The following SOX6 variants were observed in gnomAD, a reference collection of about 807,000 sequenced individuals.
The protein encoded by SOX6 is transcription factor SOX-6.
SOX6 carries 11 observed loss-of-function variants against 97.8 expected under a neutral mutation model. That is an observed-to-expected ratio of 0.11 (90% confidence interval 0.07 to 0.19). The LOEUF is 0.19. Ranked by LOEUF, SOX6 falls within the 10% of genes least tolerant of loss-of-function variation. SOX6 has a pLI of 1.00. For missense variants in SOX6, 810 were observed against 1,039.5 expected, an observed-to-expected ratio of 0.78 and a Z score of 3.04; for synonymous variants, 360 against 371.4, an observed-to-expected ratio of 0.97 and a Z score of 0.35.
At chr11:16,541,015 T>C (rs1861399371) in intron 4 of SOX6, among the ~76,000 whole-genome samples, 1 of 152,086 alleles carries the variant, frequency 6.6e-6, no homozygotes, top group Non-Finnish European at 1.5e-5. Flanking sequence ...CATTGCCAAG[T>C]CAATCCTAAG....
chr11:16,481,529 A>G (rs1262303274), intron 4 of SOX6, among the ~76,000 whole-genome samples: 19 of 152,182 alleles, frequency 1.2e-4, no homozygotes, highest in Admixed American at 1.2e-3. Flanking sequence ...GGTAGTTATT[A>G]TTGAAGCTAC....
chr11:16,663,708 A>C (rs1379256771), intron 3 of SOX6, among the ~76,000 whole-genome samples: 1 of 152,240 alleles, frequency 6.6e-6, no homozygotes, highest in Non-Finnish European at 1.5e-5. Flanking sequence ...TTTGAAAACT[A>C]AAGGATTTGT....
At chr11:16,418,506 T>TA (rs923264711) in intron 1 of SOX6, among the ~76,000 whole-genome samples, 2 of 152,188 alleles carry the variant, frequency 1.3e-5, no homozygotes, top group Non-Finnish European at 2.9e-5. Context: ...CAATTAGCCT[T>TA]AAAAAAAGTG....
intron 1 of SOX6, among the ~76,000 whole-genome samples, chr11:16,361,626 C>G (rs572297684): frequency 6.6e-6 from 1 of 152,256 alleles, no homozygotes; most frequent in African/African-American, 2.4e-5. Context: ...CATTGTTAAG[C>G]AAAGACCCTG....
chr11:16,678,088 A>G (rs2134028033), intron 3 of SOX6, among the ~76,000 whole-genome samples: 1 of 152,284 alleles, frequency 6.6e-6, no homozygotes, highest in South Asian at 2.1e-4. Flanking sequence ...TATCAATATC[A>G]AAGAACCAAT....
At chr11:16,364,916 G>T (rs1857312216) in intron 1 of SOX6, among the ~76,000 whole-genome samples, 1 of 152,100 alleles carries the variant, frequency 6.6e-6, no homozygotes, top group African/African-American at 2.4e-5. Context: ...GTAAAACTGG[G>T]ATTGTACTAC....
At chr11:16,516,234 T>A (rs1266468453) in intron 4 of SOX6, among the ~76,000 whole-genome samples, 6 of 151,738 alleles carry the variant, frequency 4.0e-5, no homozygotes, top group Admixed American at 4.0e-4. Context: ...TGAGCAGTGG[T>A]TTGTAGTTCT....
At chr11:16,042,564 G>T (rs1855699570) in intron 12 of SOX6, among the ~76,000 whole-genome samples, 1 of 152,132 alleles carries the variant, frequency 6.6e-6, no homozygotes, top group African/African-American at 2.4e-5. Context: ...CAATTAACTA[G>T]GAATCAGGAA....
At chr11:16,732,993 T>C (rs1215278473) in intron 2 of SOX6, among the ~76,000 whole-genome samples, 1 of 152,230 alleles carries the variant, frequency 6.6e-6, no homozygotes, top group African/African-American at 2.4e-5. Context: ...AAGCTCACCA[T>C]CACTAGTCAT....
intron 12 of SOX6, among the ~76,000 whole-genome samples, chr11:16,026,632 C>T (rs769606500): frequency 8.5e-5 from 13 of 152,222 alleles, no homozygotes; most frequent in Non-Finnish European, 1.3e-4. Context: ...CTGATTAACT[C>T]CTTAATGTCA....
intron 1 of SOX6, among the ~76,000 whole-genome samples, chr11:16,447,525 CAGAA>C (rs988337814): frequency 5.3e-5 from 8 of 151,610 alleles, no homozygotes; most frequent in Non-Finnish European, 8.8e-5. Flanking sequence ...GAGAGAGAAA[CAGAA>C]AGAGAGAGAG....
At chr11:16,328,972 A>AT (rs1191098736) in intron 2 of SOX6, among the ~76,000 whole-genome samples, 1 of 152,292 alleles carries the variant, frequency 6.6e-6, no homozygotes, top group East Asian at 1.9e-4. Flanking sequence ...CAAAAGTATC[A>AT]TTTTTTGAAT....
At chr11:16,527,828 G>A (rs781359304) in intron 4 of SOX6, among the ~76,000 whole-genome samples, 74 of 152,048 alleles carry the variant, frequency 4.9e-4, no homozygotes, top group Non-Finnish European at 7.6e-4. Flanking sequence ...ACCCATCACT[G>A]AAAAATAAAT....
intron 13 of SOX6, among the ~76,000 whole-genome samples, chr11:16,009,054 C>T (rs1854638146): frequency 6.6e-6 from 1 of 151,968 alleles, no homozygotes. Flanking sequence ...GACCCATATG[C>T]CCACAGCATA....
intron 3 of SOX6, chr11:16,264,487 G>A (rs1041448732): frequency 2.0e-5 from 3 of 151,760 alleles, no homozygotes; most frequent in African/African-American, 7.3e-5. Flanking sequence ...TCTCCTATAT[G>A]CATATGTAGG....
chr11:16,062,931 T>G (rs983374159), intron 9 of SOX6, among the ~76,000 whole-genome samples: 10 of 151,874 alleles, frequency 6.6e-5, no homozygotes, highest in African/African-American at 1.9e-4. Context: ...ATCTAGCAAG[T>G]AGCTTGCCCA....
intron 3 of SOX6, among the ~76,000 whole-genome samples, chr11:16,627,949 A>T (rs1848646846): frequency 6.6e-6 from 1 of 152,172 alleles, no homozygotes; most frequent in African/African-American, 2.4e-5. Context: ...TTAAATATTT[A>T]ATCCATCTTG....
intron 4 of SOX6, among the ~76,000 whole-genome samples, chr11:16,543,094 A>C (rs758152039): frequency 7.2e-5 from 11 of 152,098 alleles, no homozygotes; most frequent in African/African-American, 9.7e-5. Context: ...TAGTAACATT[A>C]ATTGAGCACC....
At chr11:16,063,467 G>A (rs1848007320) in intron 9 of SOX6, among the ~76,000 whole-genome samples, 2 of 128,494 alleles carry the variant, frequency 1.6e-5, no homozygotes, top group African/African-American at 2.9e-5. Flanking sequence ...AATGGGTGGT[G>A]TCACGATGTA....
Sources: gnomAD v4.1 joint callset for allele counts (sites outside exome capture counted in the v4.1 genomes callset) on GRCh38, gnomAD v4.1.1 for gene constraint, MANE v1.5 for transcripts, NCBI Gene and HGNC (gene_info 2026-07-23, HGNC 2026-07-21) for gene names.